KCNT1: variants seen among roughly 807,000 people sequenced by gnomAD.
KCNT1 encodes the protein potassium sodium-activated channel subfamily T member 1, also known as potassium channel subfamily T member 1.
KCNT1 carries 78 observed loss-of-function variants against 147.8 expected under a neutral mutation model. That is an observed-to-expected ratio of 0.53 (90% CI 0.44 to 0.64). The LOEUF (loss-of-function observed/expected upper bound fraction) is 0.64. Ranked by LOEUF, KCNT1 falls within the 30% of genes least tolerant of loss-of-function variation. The pLI, the probability that KCNT1 is intolerant of heterozygous loss-of-function variation, is 0.00. For missense variants in KCNT1, 1,419 were observed against 1,750.3 expected, an observed-to-expected ratio of 0.81 and a Z score of 3.38; for synonymous variants, 867 against 748.8, an observed-to-expected ratio of 1.16 and a Z score of -2.58.
At chr9:135,790,384 T>G (rs1834402296) in intron 29 of KCNT1, 1 of 152,206 alleles carries the variant, frequency 6.6e-6, no homozygotes, top group Non-Finnish European at 1.5e-5. Flanking sequence ...ACCATGGGTT[T>G]TGGGAAAAGA....
chr9:135,742,692 C>G (rs998007970), intron 2 of KCNT1: 1 of 714,904 alleles, frequency 1.4e-6, no homozygotes, highest in South Asian at 1.5e-5. Context: ...CTTCTCCATC[C>G]GTCCGTCTAT....
intron 24 of KCNT1, among the ~76,000 whole-genome samples, chr9:135,779,852 C>T (rs1833480793): frequency 6.6e-6 from 1 of 152,242 alleles, no homozygotes; most frequent in Non-Finnish European, 1.5e-5. Context: ...GCCAGTAGCT[C>T]TTAGTACAGA....
At chr9:135,709,007 A>C (rs563763696) in intron 1 of KCNT1, among the ~76,000 whole-genome samples, 1 of 152,158 alleles carries the variant, frequency 6.6e-6, no homozygotes, top group Non-Finnish European at 1.5e-5. Context: ...TTTAGCCCTT[A>C]GCTGTTCCGT....
rs1461662859 is a variant in KCNT1, at chr9:135,793,470, CAG to C, written c.*1310_*1311del. 3 of 152,272 alleles carry C rather than the reference CAG, an allele frequency of 2.0e-5. No homozygotes were observed. Among genetic ancestry groups the C allele is most frequent in the Admixed American group, 2.0e-4 (3 of 15,282 alleles). The allele number at this position is 152,272 out of a possible 1,614,324, so 9.4% of individuals were successfully genotyped here. Reference sequence around the variant, plus strand: ...GCACAGAGACCCCAGGCTCTGCCCGCAGTGGCACAGAACTCATCTGAGGCCAG... The same window carrying C: ...GCACAGAGACCCCAGGCTCTGCCCGCTGGCACAGAACTCATCTGAGGCCAG... On this transcript the variant is annotated 3_prime_UTR_variant, in exon 31 of 31. Transcript: ENST00000371757.
Position 135,714,476 on chromosome 9 carries a change from C to T in KCNT1, c.111-101C>T. The T allele has an allele frequency of 1.2e-6, 1 of 836,492 alleles. No homozygotes were observed. Among genetic ancestry groups the T allele is most frequent in the Non-Finnish European group, 1.4e-6 (1 of 697,456 alleles). 51.8% of individuals were successfully genotyped at this position (836,492 alleles called of 1,614,324 possible). On this transcript the variant is annotated intron_variant, in intron 1 of 30. Transcript: ENST00000371757. This position sits in a 1 kb window ranked among gnomAD's most constrained non-coding sequence, Gnocchi z 6.2. ...CCGCCCGCCCGGTGGGTCGCGGTGG[C>T]CGCGGGCTGCGCTGCGCGGGCCGGG...
At chr9:135,768,549 C>T (rs544632549) in intron 13 of KCNT1, 61 bp from the exon 14 acceptor site, 4 of 1,399,090 alleles carry the variant, frequency 2.9e-6, no homozygotes, top group African/African-American at 1.4e-5. Context: ...CACCTCCGCA[C>T]CCCCGGCTGC....
At chr9:135,780,101 G>A (rs1001545315) in intron 24 of KCNT1, among the ~76,000 whole-genome samples, 4 of 152,210 alleles carry the variant, frequency 2.6e-5, no homozygotes, top group South Asian at 2.1e-4. Flanking sequence ...CCAGGGGCAC[G>A]GGCACTGTTG....
intron 19 of KCNT1, among the ~76,000 whole-genome samples, chr9:135,773,912 G>C (rs1378983356): frequency 6.6e-6 from 1 of 152,240 alleles, no homozygotes; most frequent in Non-Finnish European, 1.5e-5. Context: ...ATGTCAGGGA[G>C]GCATGGCGGG....
At chr9:135,732,026 A>AGAGAGAGAGAGG (rs1836498915) in intron 2 of KCNT1, among the ~76,000 whole-genome samples, 3 of 131,766 alleles carry the variant, frequency 2.3e-5, no homozygotes, top group East Asian at 2.3e-4. Context: ...AGAGAGAGAG[A>AGAGAGAGAGAGG]GAGAGAGAGA....
chr9:135,749,995 A>T, intron 2 of KCNT1, 103 bp from the exon 3 acceptor site: 1 of 866,502 alleles, frequency 1.2e-6, no homozygotes, highest in Non-Finnish European at 1.9e-6. Flanking sequence ...CAACTCCTGC[A>T]GTTGGAAAGT....
At chr9:135,739,855 C>T (rs939402963) in intron 2 of KCNT1, among the ~76,000 whole-genome samples, 1 of 152,324 alleles carries the variant, frequency 6.6e-6, no homozygotes, top group African/African-American at 2.4e-5. Context: ...AGTGCCCAGC[C>T]GCAGGGGTGG....
At chr9:135,732,458 C>T (rs561019966) in intron 2 of KCNT1, among the ~76,000 whole-genome samples, 1 of 152,186 alleles carries the variant, frequency 6.6e-6, no homozygotes, top group Admixed American at 6.5e-5. Context: ...AGCCAGCCAT[C>T]TGTGTCTATA....
At chr9:135,750,639 A>G in intron 3 of KCNT1, 1 of 505,086 alleles carries the variant, frequency 2.0e-6, no homozygotes, top group Non-Finnish European at 3.6e-6. Flanking sequence ...GGGGCTCCAC[A>G]TTCACCTGCC....
chr9:135,736,004 G>A (rs568556274), intron 2 of KCNT1, among the ~76,000 whole-genome samples: 12 of 152,370 alleles, frequency 7.9e-5, no homozygotes, highest in South Asian at 4.1e-4. Context: ...GCAGACCAGC[G>A]CTGCACACAC....
At chr9:135,767,971 G>T (rs368430466) in intron 13 of KCNT1, among the ~76,000 whole-genome samples, 1 of 150,640 alleles carries the variant, frequency 6.6e-6, no homozygotes, top group African/African-American at 2.4e-5. Context: ...GCCCCCACCC[G>T]CTGTCAGCCT....
In KCNT1 at chr9:135,769,913, C is replaced by T. The variant is rs777193029; in HGVS notation, c.1511-34C>T. The T allele has an allele frequency of 1.4e-5, 20 of 1,455,146 alleles. No individual in the cohort carries two copies. In the East Asian group the frequency reaches 2.2e-4, roughly 16 times the overall value. 90.1% of individuals were successfully genotyped at this position (1,455,146 alleles called of 1,614,324 possible). A position where few individuals can be genotyped will look rare whatever the true frequency, so the allele number is the denominator to read the frequency against. On this transcript the variant is annotated intron_variant, in intron 15 of 30. Transcript: ENST00000371757. ...GTGGGGGAGGAGAGAGCCGGCAGAG[C>T]GGCAGGTGGACCGGCCTCCCCCACT...
intron 20 of KCNT1, 108 bp downstream of exon 20, chr9:135,775,523 A>G: frequency 2.6e-6 from 2 of 758,362 alleles, no homozygotes; most frequent in Non-Finnish European, 4.2e-6. Flanking sequence ...TACCATTGCA[A>G]ACTTCTAGCA....
At chr9:135,770,224 C>T in intron 16 of KCNT1, 74 bp from the exon 17 acceptor site, 1 of 1,523,880 alleles carries the variant, frequency 6.6e-7, no homozygotes, top group Non-Finnish European at 8.9e-7. Flanking sequence ...AGGGGGGCAC[C>T]TGCAGACCCA....
rs1833433146 is a variant in KCNT1 at position 135,779,354 on chromosome 9, C to G, written c.2730-5C>G. 1.2e-6 allele frequency: 2 copies of G among 1,605,818 alleles called. No homozygotes were observed. Among genetic ancestry groups the G allele is most frequent in the Non-Finnish European group, 1.7e-6 (2 of 1,173,158 alleles). ...GCCCCGCCCTGAGCCGCCTGCCTCC[C>G]CCAGGCTCTTCCCCAGCCTCAGCAT... On this transcript the variant is annotated splice_polypyrimidine_tract_variant and splice_region_variant and intron_variant, in intron 23 of 30. Coordinates refer to ENST00000371757, the MANE Select transcript of KCNT1 (RefSeq NM_020822.3).
Sources: gnomAD v4.1 joint callset for allele counts (sites outside exome capture counted in the v4.1 genomes callset) on GRCh38, gnomAD v4.1.1 for gene constraint, Gnocchi (gnomAD v3.1) non-coding constraint, MANE v1.5 for transcripts, NCBI Gene and HGNC (gene_info 2026-07-23, HGNC 2026-07-21) for gene names.